MBTD1: variants seen among roughly 807,000 people sequenced by gnomAD.
MBTD1 encodes the protein mbt domain containing 1, also known as MBT domain-containing protein 1.
MBTD1 carries 24 observed loss-of-function variants against 87.8 expected under a neutral mutation model. The ratio of observed to expected loss-of-function variants is 0.27; its 90% CI spans 0.20 to 0.38. The LOEUF (loss-of-function observed/expected upper bound fraction) is 0.38. Among genes scored for constraint, MBTD1 ranks in the 10% least tolerant of loss-of-function variants. The probability of loss-of-function intolerance (pLI) is 1.00; values close to 1 mark genes in which losing one functional copy is unlikely to be tolerated. For missense variants in MBTD1, 436 were observed against 760.2 expected (o/e 0.57, Z 5.02); for synonymous variants, 237 against 248.6 (o/e 0.95, Z 0.44).
At chr17:51,202,622 T>C in intron 10 of MBTD1, 79 bp downstream of exon 10, 1 of 1,063,198 alleles carries the variant, frequency 9.4e-7, no homozygotes, top group Non-Finnish European at 1.4e-6. Context: ...ATCTATGCAA[T>C]TCTGCAGAGA....
chr17:51,194,112 ATATTTT>A (rs1458129207), intron 13 of MBTD1, among the ~76,000 whole-genome samples: 17 of 152,206 alleles, frequency 1.1e-4, no homozygotes, highest in African/African-American at 4.1e-4. Flanking sequence ...CTATGGACTG[ATATTTT>A]TCTTTCTTGC....
At chr17:51,185,520 T>C (rs761222161) in intron 16 of MBTD1, 11 of 152,268 alleles carry the variant, frequency 7.2e-5, no homozygotes, top group African/African-American at 1.9e-4. Flanking sequence ...AATGCAGGTA[T>C]TGAATTTCCA....
intron 16 of MBTD1, among the ~76,000 whole-genome samples, chr17:51,187,615 C>T (rs936745471): frequency 1.3e-5 from 2 of 151,356 alleles, no homozygotes; most frequent in Admixed American, 6.6e-5. Context: ...TTTGGGAGGC[C>T]GAGGCAGGTG....
intron 2 of MBTD1, among the ~76,000 whole-genome samples, chr17:51,257,491 T>C (rs951718828): frequency 2.0e-5 from 3 of 152,250 alleles, no homozygotes; most frequent in African/African-American, 4.8e-5. Flanking sequence ...TTGAAAACAA[T>C]TTAAAATGTT....
At position 51,201,625 on chromosome 17, in the gene MBTD1, A is replaced by G; in HGVS notation, c.1191T>C (p.Asn397=). ...GMKLEAIDPL[N]LSTICVATIR... ...TGGTTGCGACACATATTGTAGAAAG[A>G]TTTAATGGGTCTATAGCTTCCAATT... Residue 397 remains asparagine, a synonymous_variant, in exon 12 of 17, where the codon AAT becomes AAC. Coordinates refer to ENST00000586178, the MANE Select transcript of MBTD1 (RefSeq NM_017643.3). 1 of 1,610,326 alleles carries G rather than the reference A, an allele frequency of 6.2e-7. No homozygotes were observed. Among genetic ancestry groups the G allele is most frequent in the Non-Finnish European group, 8.5e-7 (1 of 1,178,076 alleles).
At chr17:51,260,304 A>G, upstream of MBTD1, 1 of 521,034 alleles carries the variant, frequency 1.9e-6, no homozygotes, top group South Asian at 2.5e-5. Context: ...TCCTTTCAAT[A>G]TGTTGCAGCT....
chr17:51,186,858 T>C (rs1483280959), intron 16 of MBTD1, among the ~76,000 whole-genome samples: 1 of 151,860 alleles, frequency 6.6e-6, no homozygotes, highest in Non-Finnish European at 1.5e-5. Context: ...CTGCTTGAGA[T>C]GGGATAAAAA....
At chr17:51,212,817 C>A (rs1323582549) in intron 6 of MBTD1, among the ~76,000 whole-genome samples, 1 of 151,644 alleles carries the variant, frequency 6.6e-6, no homozygotes, top group Admixed American at 6.6e-5. Context: ...AGTGCAGTGG[C>A]GCAATCTCAG....
At chr17:51,208,198 A>G (rs1291874391) in intron 6 of MBTD1, among the ~76,000 whole-genome samples, 3 of 152,216 alleles carry the variant, frequency 2.0e-5, no homozygotes, top group Non-Finnish European at 2.9e-5. Flanking sequence ...GGAGAGGAAG[A>G]GAATGTCAAA....
intron 2 of MBTD1, among the ~76,000 whole-genome samples, chr17:51,247,048 AT>A (rs1161926607): frequency 1.3e-5 from 2 of 152,134 alleles, no homozygotes; most frequent in African/African-American, 4.8e-5. Flanking sequence ...TCTTAATAAG[AT>A]TCTGGCTTTA....
At chr17:51,243,690 G>A (rs944916021) in intron 2 of MBTD1, among the ~76,000 whole-genome samples, 5 of 152,100 alleles carry the variant, frequency 3.3e-5, no homozygotes, top group Non-Finnish European at 7.4e-5. Context: ...TAATCTGGAA[G>A]ATTAGTTTTA....
upstream of MBTD1, chr17:51,260,940 CGGCGCGCGGGCTGGGCGCACTCGGGCGG>C (rs1568260568): frequency 3.3e-6 from 5 of 1,527,924 alleles, no homozygotes; most frequent in South Asian, 3.6e-5. Flanking sequence ...AGGGAGGCCG[CGGCGCGCGGGCTGGGCGCACTCGGGCGG>C]GGCGCGCGGT....
intron 12 of MBTD1, 28 bp downstream of exon 12, chr17:51,201,564 T>C (rs761800061): frequency 4.9e-6 from 7 of 1,420,214 alleles, no homozygotes; most frequent in Non-Finnish European, 6.9e-6. Context: ...ATAATTGCAT[T>C]TCTATATTTT....
At chr17:51,259,397 C>T (rs538716612) in intron 1 of MBTD1, among the ~76,000 whole-genome samples, 191 bp from the exon 2 acceptor site, 3 of 152,240 alleles carry the variant, frequency 2.0e-5, no homozygotes, top group South Asian at 4.1e-4. Flanking sequence ...GCGGCACTGC[C>T]CCCAAGGCAG....
intron 2 of MBTD1, among the ~76,000 whole-genome samples, chr17:51,225,486 G>A (rs1299465589): frequency 6.6e-6 from 1 of 151,294 alleles, no homozygotes; most frequent in Non-Finnish European, 1.5e-5. Context: ...TGAGTAGCTG[G>A]GACTACAGGC....
chr17:51,209,792 G>A (rs748532249), intron 6 of MBTD1, among the ~76,000 whole-genome samples: 1 of 152,158 alleles, frequency 6.6e-6, no homozygotes, highest in Non-Finnish European at 1.5e-5. Context: ...ATCCCAATGA[G>A]ATGGCAAATG....
At chr17:51,204,467 A>G (rs910973562) in intron 7 of MBTD1, among the ~76,000 whole-genome samples, 11 of 138,832 alleles carry the variant, frequency 7.9e-5, no homozygotes, top group Admixed American at 1.5e-4. Flanking sequence ...ATAAAAATAC[A>G]TATTATATAT....
chr17:51,226,173 C>CA (rs768863721), intron 2 of MBTD1, among the ~76,000 whole-genome samples: 298 of 139,986 alleles, frequency 2.1e-3, no homozygotes, highest in Middle Eastern at 7.8e-3. Flanking sequence ...CCCACTCTAC[C>CA]AAAAAAAAAC....
intron 6 of MBTD1, among the ~76,000 whole-genome samples, chr17:51,207,952 T>G (rs977746940): frequency 2.0e-5 from 3 of 152,144 alleles, no homozygotes; most frequent in Non-Finnish European, 4.4e-5. Flanking sequence ...AGAAAAGGAT[T>G]ATGTGAGGTT....
Sources: allele counts gnomAD v4.1 joint callset (sites outside exome capture counted in the v4.1 genomes callset), GRCh38; gene constraint gnomAD v4.1.1; transcripts MANE v1.5; gene names NCBI Gene and HGNC (gene_info 2026-07-23, HGNC 2026-07-21).